Variants in AMPH observed in about 807,000 individuals in gnomAD.
The protein encoded by AMPH is amphiphysin (Stiff-Mann syndrome with breast cancer 128kD autoantigen).
A neutral mutation model predicts 99.1 loss-of-function variants in AMPH; 49 were observed. That is an observed-to-expected ratio of 0.49 (90% CI 0.39 to 0.63). The LOEUF is 0.63. Ranked by LOEUF, AMPH falls within the 20% of genes least tolerant of loss-of-function variation. AMPH has a pLI of 0.00. For synonymous variants in AMPH, 314 were observed against 317.3 expected, an observed-to-expected ratio of 0.99 and a Z score of 0.11; for missense variants, 759 against 863.4, an observed-to-expected ratio of 0.88 and a Z score of 1.52.
intron 3 of AMPH, among the ~76,000 whole-genome samples, chr7:38,499,131 G>T (rs1230170614): frequency 6.6e-6 from 1 of 152,112 alleles, no homozygotes; most frequent in African/African-American, 2.4e-5. Context: ...CTGTTATGAT[G>T]GCACTCAATG....
chr7:38,530,436 A>G (rs940942920), intron 2 of AMPH, among the ~76,000 whole-genome samples: 6 of 152,314 alleles, frequency 3.9e-5, no homozygotes, highest in South Asian at 2.1e-4. Flanking sequence ...TGGTATTTCA[A>G]TGAGGGAATG....
chr7:38,426,847 T>C lies in AMPH; in HGVS notation c.1215+107A>G, dbSNP rs1343842174. On this transcript the variant is annotated intron_variant, in intron 15 of 20. Coordinates refer to ENST00000356264, the MANE Select transcript of AMPH (RefSeq NM_001635.4). ...GTAGTGGGGTCCAATTTTGTGCTGA[T>C]ATTCTTAATCATTACGCTATACTAG... 8 of 997,360 alleles carry C rather than the reference T, an allele frequency of 8.0e-6. No individual in the cohort carries two copies. In the East Asian group the frequency reaches 1.2e-4, roughly 15 times the overall value. 61.8% of individuals were successfully genotyped at this position (997,360 alleles called of 1,614,324 possible).
At chr7:38,492,565 A>G (rs1788761548) in intron 4 of AMPH, among the ~76,000 whole-genome samples, 1 of 152,242 alleles carries the variant, frequency 6.6e-6, no homozygotes, top group Non-Finnish European at 1.5e-5. Flanking sequence ...CAATTCAAGA[A>G]TTTCATGCAA....
At chr7:38,470,476 T>G (rs1042839185) in intron 7 of AMPH, among the ~76,000 whole-genome samples, 2 of 152,104 alleles carry the variant, frequency 1.3e-5, no homozygotes, top group Non-Finnish European at 2.9e-5. Flanking sequence ...ACTCCTCATT[T>G]TTAAAATTCT....
At chr7:38,620,824 G>A (rs566768513) in intron 1 of AMPH, among the ~76,000 whole-genome samples, 21 of 152,232 alleles carry the variant, frequency 1.4e-4, no homozygotes, top group Middle Eastern at 3.4e-3. Context: ...AGATAGTTCA[G>A]AGGGCAAGTC....
intron 11 of AMPH, among the ~76,000 whole-genome samples, chr7:38,444,946 A>G (rs1786698849): frequency 1.3e-5 from 2 of 150,772 alleles, no homozygotes; most frequent in Middle Eastern, 3.4e-3. Flanking sequence ...AAGCTAAAAG[A>G]TCAATGGATA....
intron 8 of AMPH, among the ~76,000 whole-genome samples, chr7:38,465,762 GTA>G (rs1562773512): frequency 6.6e-6 from 1 of 152,024 alleles, no homozygotes; most frequent in Non-Finnish European, 1.5e-5. Context: ...AAATATATAT[GTA>G]TATATTTATT....
intron 3 of AMPH, among the ~76,000 whole-genome samples, chr7:38,501,644 T>A (rs780188343): frequency 5.3e-5 from 8 of 152,178 alleles, no homozygotes; most frequent in Admixed American, 1.3e-4. Flanking sequence ...TGGCCATTTT[T>A]AAATTATTGA....
chr7:38,441,632 G>C (rs1786508748), intron 11 of AMPH, among the ~76,000 whole-genome samples: 1 of 151,366 alleles, frequency 6.6e-6, no homozygotes, highest in Admixed American at 6.6e-5. Flanking sequence ...CTATTATAAA[G>C]ACACATGCAT....
At chr7:38,416,652 T>C (rs1785393858) in intron 17 of AMPH, among the ~76,000 whole-genome samples, 1 of 152,202 alleles carries the variant, frequency 6.6e-6, no homozygotes, top group Non-Finnish European at 1.5e-5. Context: ...TCCTTTGTTA[T>C]TTAAATAATC....
At chr7:38,480,320 A>G (rs1263712338) in intron 5 of AMPH, among the ~76,000 whole-genome samples, 1 of 152,040 alleles carries the variant, frequency 6.6e-6, no homozygotes, top group Non-Finnish European at 1.5e-5. Flanking sequence ...CACAAAATTT[A>G]AGAAGGCCCC....
At chr7:38,442,505 T>C (rs201734138) in intron 11 of AMPH, among the ~76,000 whole-genome samples, 2 of 152,294 alleles carry the variant, frequency 1.3e-5, no homozygotes, top group African/African-American at 4.8e-5. Flanking sequence ...TGGAATTAAA[T>C]TGGAAATTGT....
Position 38,391,951 on chromosome 7 carries a change from T to C in AMPH, c.1675A>G (p.Ile559Val). 6.2e-7 allele frequency: 1 copy of C among 1,611,990 alleles called. No individual in the cohort carries two copies. The highest frequency in any genetic ancestry group is 8.5e-7 in the Non-Finnish European group (1 of 1,179,990). The change falls in exon 19 of 21, where the codon ATA (isoleucine) becomes GTA (valine). Residue 559 changes from isoleucine to valine, a missense_variant. Physicochemically the swap from Ile to Val is conservative, Grantham distance 29. Transcript: ENST00000356264. ...TCCTTGGGCTCTGCACCTATAGTTA[T>C]TTCGTTTTCTCCTTCCTCTTCATGG... ...SNHEEEGENE[I>V]TIGAEPKETT...
At chr7:38,444,940 T>C (rs1786698554) in intron 11 of AMPH, among the ~76,000 whole-genome samples, 2 of 150,646 alleles carry the variant, frequency 1.3e-5, no homozygotes, top group Middle Eastern at 3.4e-3. Context: ...AAAGGTAAGC[T>C]AAAAGATCAA....
chr7:38,607,847 T>TA (rs906491630), intron 1 of AMPH, among the ~76,000 whole-genome samples: 7 of 152,242 alleles, frequency 4.6e-5, no homozygotes, highest in Admixed American at 1.3e-4. Flanking sequence ...TTCCTGATGT[T>TA]AAACTCCATT....
chr7:38,476,270 A>T (rs1788082376), intron 6 of AMPH, among the ~76,000 whole-genome samples: 1 of 152,204 alleles, frequency 6.6e-6, no homozygotes, highest in Admixed American at 6.5e-5. Flanking sequence ...GGCAATAGAA[A>T]CCATTAAAAG....
chr7:38,444,702 A>T (rs554405788), intron 11 of AMPH, among the ~76,000 whole-genome samples: 126 of 152,100 alleles, frequency 8.3e-4, no homozygotes, highest in Middle Eastern at 6.8e-3. Flanking sequence ...CTGTTAGAGA[A>T]TTTTTTTGTG....
intron 1 of AMPH, among the ~76,000 whole-genome samples, chr7:38,541,930 T>G (rs2118458): frequency 2.0e-5 from 3 of 152,168 alleles, no homozygotes; most frequent in African/African-American, 7.2e-5. Context: ...AGTAAGCACC[T>G]GCCAAGGCTG....
chr7:38,397,587 A>G (rs1784706918), intron 17 of AMPH, among the ~76,000 whole-genome samples: 1 of 152,238 alleles, frequency 6.6e-6, no homozygotes, highest in African/African-American at 2.4e-5. Flanking sequence ...AAAGCTCTCT[A>G]GGACACTGGA....
Sources: gnomAD v4.1 joint callset for allele counts (sites outside exome capture counted in the v4.1 genomes callset) on GRCh38, gnomAD v4.1.1 for gene constraint, MANE v1.5 for transcripts, NCBI Gene and HGNC (gene_info 2026-07-23, HGNC 2026-07-21) for gene names.